WDR89: variants seen among roughly 807,000 people sequenced by gnomAD.
The protein encoded by WDR89 is WD repeat-containing protein 89.
WDR89 carries 17 observed loss-of-function variants against 29.1 expected under a neutral mutation model. The ratio of observed to expected loss-of-function variants is 0.58; its 90% CI spans 0.40 to 0.88. WDR89 has a LOEUF of 0.88. Among genes scored for constraint, WDR89 ranks in the 40% least tolerant of loss-of-function variants. The pLI is 0.00. For synonymous variants in WDR89, 138 were observed against 157.8 expected (o/e 0.87, Z 0.94); for missense variants, 396 against 456.3 (o/e 0.87, Z 1.20).
At chr14:63,619,876 G>T (rs898870477) in intron 2 of WDR89, among the ~76,000 whole-genome samples, 2 of 151,846 alleles carry the variant, frequency 1.3e-5, no homozygotes, top group African/African-American at 4.8e-5. Flanking sequence ...ATGGTAGCAC[G>T]TGCCTATAAT....
chr14:63,621,087 A>C (rs1005031754), intron 2 of WDR89, among the ~76,000 whole-genome samples: 1 of 152,110 alleles, frequency 6.6e-6, no homozygotes, highest in African/African-American at 2.4e-5. Context: ...TTGTTAATTA[A>C]AAAATACATT....
In WDR89 at chr14:63,598,998, G is replaced by T. The variant is rs1263101419; in HGVS notation, c.945C>A (p.Ser315Arg). 3 of 1,614,042 alleles carry T rather than the reference G, an allele frequency of 1.9e-6. No individual in the cohort carries two copies. The African/African-American group carries it at 4.0e-5, about 22-fold the overall frequency. ...CSMSGLTHVT[S>R]LQGGHAATVR... Reference sequence around the variant, plus strand: ...CTGTAGCAGCATGCCCTCCCTGAAGGCTAGTCACATGGGTCAGTCCTGACA... The same window carrying T: ...CTGTAGCAGCATGCCCTCCCTGAAGTCTAGTCACATGGGTCAGTCCTGACA... The change falls in exon 3 of 3, where the codon AGC (serine) becomes AGA (arginine). Residue 315 changes from serine to arginine, a missense_variant. Transcript: ENST00000620954.
At chr14:63,627,072 G>A (rs1278894185) in intron 1 of WDR89, among the ~76,000 whole-genome samples, 1 of 151,610 alleles carries the variant, frequency 6.6e-6, no homozygotes, top group Non-Finnish European at 1.5e-5. Flanking sequence ...AGTGAGCAAT[G>A]ACTGTGTCAA....
intron 2 of WDR89, among the ~76,000 whole-genome samples, chr14:63,600,619 G>A (rs1348519246): frequency 2.1e-5 from 3 of 145,894 alleles, no homozygotes; most frequent in African/African-American, 7.5e-5. Flanking sequence ...TTCTACTCAA[G>A]TCATCTTCAG....
At chr14:63,641,008 G>A (rs1480965301) in intron 1 of WDR89, among the ~76,000 whole-genome samples, 1 of 145,718 alleles carries the variant, frequency 6.9e-6, no homozygotes, top group Non-Finnish European at 1.5e-5. Context: ...TGAGGCTGGA[G>A]AATCGCTTGA....
chr14:63,617,481 T>C (rs889447158), intron 2 of WDR89, among the ~76,000 whole-genome samples: 2 of 152,134 alleles, frequency 1.3e-5, no homozygotes, highest in Non-Finnish European at 2.9e-5. Flanking sequence ...GTTAATACAA[T>C]AGAATTCTCT....
At chr14:63,613,749 C>T (rs900156592) in intron 2 of WDR89, among the ~76,000 whole-genome samples, 1 of 151,796 alleles carries the variant, frequency 6.6e-6, no homozygotes, top group African/African-American at 2.4e-5. Context: ...ATCCACCCAC[C>T]TTGGCCTCCC....
At chr14:63,626,979 G>A (rs35568823) in intron 1 of WDR89, among the ~76,000 whole-genome samples, 1,926 of 151,968 alleles carry the variant, frequency 0.013, 35 homozygotes, top group Admixed American at 0.059. Flanking sequence ...AAATTAGCTC[G>A]GTGTAATGGC....
intron 2 of WDR89, among the ~76,000 whole-genome samples, chr14:63,612,902 C>T (rs905401614): frequency 6.6e-6 from 1 of 152,096 alleles, no homozygotes; most frequent in Admixed American, 6.6e-5. Flanking sequence ...TGGAATATAC[C>T]TGGGACTTGT....
intron 1 of WDR89, among the ~76,000 whole-genome samples, chr14:63,635,125 C>A (rs1883648529): frequency 6.6e-6 from 1 of 152,102 alleles, no homozygotes; most frequent in South Asian, 2.1e-4. Context: ...CTAATTCATT[C>A]TATGAAGCCA....
rs181341153 is a variant in WDR89, at chr14:63,617,183, C to T, written c.-32+7745G>A. 1.0e-4 allele frequency among the ~76,000 whole-genome samples: 15 copies of T among 149,560 alleles called. 1 individual carries two copies. The South Asian group carries it at 1.7e-3, about 17-fold the overall frequency. ...ACAACCTCCACCTCCCAGGTACAAG[C>T]GATTCTGTCTCAAGCCTCCCAAGGA... On this transcript the variant is annotated intron_variant, in intron 2 of 2. Transcript: ENST00000620954.
intron 1 of WDR89, among the ~76,000 whole-genome samples, chr14:63,631,891 C>T (rs1203451150): frequency 6.6e-6 from 1 of 152,046 alleles, no homozygotes; most frequent in African/African-American, 2.4e-5. Flanking sequence ...GCAGGCAGAT[C>T]ACCTGAGGCC....
At chr14:63,636,979 A>C (rs1883774206) in intron 1 of WDR89, among the ~76,000 whole-genome samples, 1 of 152,232 alleles carries the variant, frequency 6.6e-6, no homozygotes, top group South Asian at 2.1e-4. Context: ...TCAATAGACA[A>C]CAACAGAGTG....
intron 2 of WDR89, among the ~76,000 whole-genome samples, chr14:63,606,180 T>G (rs1270236940): frequency 6.6e-6 from 1 of 152,106 alleles, no homozygotes; most frequent in Non-Finnish European, 1.5e-5. Context: ...ACTTCTGGGC[T>G]CAAGCAATCT....
intron 1 of WDR89, among the ~76,000 whole-genome samples, chr14:63,638,760 G>A (rs1883907846): frequency 6.6e-6 from 1 of 152,184 alleles, no homozygotes; most frequent in East Asian, 1.9e-4. Flanking sequence ...ACCATTTACT[G>A]TGAATTTGTT....
rs367804706 is a variant in WDR89 at position 63,607,869 on chromosome 14, G to A, written c.-31-7896C>T. Among the ~76,000 whole-genome samples the A allele has an allele frequency of 7.5e-5, 10 of 134,016 alleles. No homozygotes were observed. In the East Asian group the frequency reaches 1.6e-3, roughly 21 times the overall value. The allele number at this position is 134,016 out of a possible 152,430, so 87.9% of individuals were successfully genotyped here. On this transcript the variant is annotated intron_variant, in intron 2 of 2. Coordinates refer to ENST00000620954, the MANE Select transcript of WDR89 (RefSeq NM_080666.4). The stretch of plus-strand genomic sequence containing the variant: ...ACACTCCAGCCTGGGCAACAAGAGC[G>A]AAAGTCTGACTCAAAAAAAAAAAAA...
intron 1 of WDR89, among the ~76,000 whole-genome samples, chr14:63,634,696 C>T (rs1883618654): frequency 6.6e-6 from 1 of 151,690 alleles, no homozygotes; most frequent in South Asian, 2.1e-4. Flanking sequence ...ATGGTGAAAC[C>T]CCATCTCTAC....
chr14:63,619,733 C>T (rs1882557291), intron 2 of WDR89, among the ~76,000 whole-genome samples: 1 of 152,006 alleles, frequency 6.6e-6, no homozygotes, highest in Non-Finnish European at 1.5e-5. Flanking sequence ...GGCTGGGCAC[C>T]GTGGCTTACG....
intron 2 of WDR89, among the ~76,000 whole-genome samples, chr14:63,623,197 C>CAAAAAAAAAAAA (rs35075730): frequency 1.4e-5 from 1 of 71,750 alleles, no homozygotes; most frequent in Admixed American, 1.6e-4. Context: ...AACCAGGTCT[C>CAAAAAAAAAAAA]AAAAAAAAAA....
Sources: gnomAD v4.1 joint callset for allele counts (sites outside exome capture counted in the v4.1 genomes callset) on GRCh38, gnomAD v4.1.1 for gene constraint, MANE v1.5 for transcripts, NCBI Gene and HGNC (gene_info 2026-07-23, HGNC 2026-07-21) for gene names.